The following PITPNC1 variants were observed in gnomAD, a reference collection of about 807,000 sequenced individuals.
PITPNC1 encodes the protein phosphatidylinositol transfer protein cytoplasmic 1.
Under a neutral mutation model 44.7 loss-of-function variants are expected in PITPNC1, and 18 were observed. That is an observed-to-expected ratio of 0.40 (90% CI 0.28 to 0.60). The LOEUF is 0.60. PITPNC1 is among the 20% of genes least tolerant of loss of function. PITPNC1 has a pLI of 0.39. For missense variants in PITPNC1, 290 were observed against 418.4 expected, an observed-to-expected ratio of 0.69 and a Z score of 2.68; for synonymous variants, 141 against 149.6, an observed-to-expected ratio of 0.94 and a Z score of 0.42.
intron 1 of PITPNC1, among the ~76,000 whole-genome samples, chr17:67,473,593 G>A (rs537173710): frequency 8.5e-5 from 13 of 152,068 alleles, no homozygotes; most frequent in East Asian, 7.7e-4. Context: ...GTGAGCCACC[G>A]CCCCCGGCCC....
At chr17:67,471,240 TAAAA>T (rs758005772) in intron 1 of PITPNC1, among the ~76,000 whole-genome samples, 1 of 118,354 alleles carries the variant, frequency 8.4e-6, no homozygotes, top group Non-Finnish European at 1.8e-5. Context: ...AAAAAAAATG[TAAAA>T]AAAAAAAAAA....
chr17:67,431,062 C>CTTTTTT (rs6146118), intron 1 of PITPNC1, among the ~76,000 whole-genome samples: 9 of 133,044 alleles, frequency 6.8e-5, no homozygotes, highest in Admixed American at 1.6e-4. Flanking sequence ...GTTACTGTTT[C>CTTTTTT]TTTTTTTTTT....
intron 4 of PITPNC1, among the ~76,000 whole-genome samples, chr17:67,569,372 G>C (rs906170599): frequency 1.3e-5 from 2 of 152,216 alleles, no homozygotes; most frequent in Non-Finnish European, 2.9e-5. Context: ...GGGAGGGCTT[G>C]TGTCTGGAAA....
At position 67,696,735 on chromosome 17, in the gene PITPNC1, A is replaced by C. The variant is rs1199358273; in HGVS notation, c.*3847A>C. 1 of 152,260 alleles carries C rather than the reference A, an allele frequency of 6.6e-6. No individual in the cohort carries two copies. The highest frequency in any genetic ancestry group is 2.1e-4 in the South Asian group (1 of 4,832). 9.4% of individuals were successfully genotyped at this position (152,260 alleles called of 1,614,324 possible). A position where few individuals can be genotyped will look rare whatever the true frequency, so the allele number is the denominator to read the frequency against. ...TCTACCTTCAAAACAATCTGTTTGCATTTGAAATATAAGTGTTTAAGCTTT... is the reference window on the plus strand; with the variant it reads ...TCTACCTTCAAAACAATCTGTTTGCCTTTGAAATATAAGTGTTTAAGCTTT... On this transcript the variant is annotated 3_prime_UTR_variant, in exon 9 of 9. Coordinates refer to ENST00000581322, the MANE Select transcript of PITPNC1 (RefSeq NM_012417.4).
intron 6 of PITPNC1, among the ~76,000 whole-genome samples, chr17:67,653,303 CACAG>C (rs1439792412): frequency 2.0e-5 from 3 of 152,076 alleles, no homozygotes; most frequent in African/African-American, 4.8e-5. Context: ...AATTTGGACA[CACAG>C]ACAGACAAGC....
At chr17:67,476,782 G>C (rs34176916) in intron 1 of PITPNC1, among the ~76,000 whole-genome samples, 7,404 of 152,162 alleles carry the variant, frequency 0.049, 247 homozygotes, top group Middle Eastern at 0.11. Context: ...ACTGTGCCTG[G>C]CCAGATATAT....
intron 1 of PITPNC1, among the ~76,000 whole-genome samples, chr17:67,404,082 TG>T (rs1308677625): frequency 1.3e-5 from 2 of 152,206 alleles, no homozygotes; most frequent in African/African-American, 4.8e-5. Context: ...ACAACACCTT[TG>T]TTTTGCATAA....
chr17:67,625,974 G>A (rs201604074), intron 5 of PITPNC1, among the ~76,000 whole-genome samples: 1 of 133,546 alleles, frequency 7.5e-6, no homozygotes, highest in Non-Finnish European at 1.6e-5. Context: ...TGGTTTGTTT[G>A]TTGTTTTTTT....
intron 4 of PITPNC1, among the ~76,000 whole-genome samples, chr17:67,554,128 T>C (rs1391039826): frequency 3.9e-5 from 6 of 152,060 alleles, no homozygotes; most frequent in Admixed American, 2.0e-4. Flanking sequence ...GCCTCTAGGG[T>C]TATTACTTAG....
At chr17:67,561,468 A>G (rs539035344) in intron 4 of PITPNC1, among the ~76,000 whole-genome samples, 4,789 of 151,874 alleles carry the variant, frequency 0.032, 107 homozygotes, top group Non-Finnish European at 0.053. Flanking sequence ...AAAAAAAAAA[A>G]GGGAATGCAG....
At chr17:67,604,335 A>T (rs1302687623) in intron 5 of PITPNC1, among the ~76,000 whole-genome samples, 1 of 152,206 alleles carries the variant, frequency 6.6e-6, no homozygotes, top group East Asian at 1.9e-4. Flanking sequence ...CTGGATTAGA[A>T]GGGGAGGCTG....
chr17:67,518,534 G>A (rs2040285702), intron 1 of PITPNC1, among the ~76,000 whole-genome samples: 1 of 146,334 alleles, frequency 6.8e-6, no homozygotes, highest in Admixed American at 6.9e-5. Flanking sequence ...AAATACCCAA[G>A]CTCCACCTAA....
intron 1 of PITPNC1, among the ~76,000 whole-genome samples, chr17:67,415,343 C>A (rs186148242): frequency 6.6e-6 from 1 of 152,308 alleles, no homozygotes; most frequent in East Asian, 1.9e-4. Flanking sequence ...TAGCTCAGGA[C>A]CCTCTTTAGG....
intron 7 of PITPNC1, among the ~76,000 whole-genome samples, chr17:67,675,077 T>A (rs1435354360): frequency 6.6e-6 from 1 of 150,788 alleles, no homozygotes; most frequent in Non-Finnish European, 1.5e-5. Flanking sequence ...ATTTATGACC[T>A]CCTGGCACCA....
intron 1 of PITPNC1, among the ~76,000 whole-genome samples, chr17:67,407,063 G>A (rs1184296494): frequency 2.0e-5 from 3 of 152,216 alleles, no homozygotes; most frequent in African/African-American, 4.8e-5. Flanking sequence ...GTAATTTTAT[G>A]TTTAGGTTTT....
At chr17:67,413,401 T>TTTTCTCTTTCTTTCTTTC (rs2038534440) in intron 1 of PITPNC1, among the ~76,000 whole-genome samples, 1 of 145,400 alleles carries the variant, frequency 6.9e-6, no homozygotes, top group East Asian at 2.0e-4. Flanking sequence ...ATGTGCTTAA[T>TTTTCTCTTTCTTTCTTTC]TTTCTTTCTT....
chr17:67,656,552 A>G (rs2042270736), intron 6 of PITPNC1, among the ~76,000 whole-genome samples: 1 of 152,138 alleles, frequency 6.6e-6, no homozygotes, highest in Non-Finnish European at 1.5e-5. Context: ...ACCTGGACAT[A>G]TTTTTGGGGA....
At chr17:67,572,231 C>T (rs1266929358) in intron 4 of PITPNC1, among the ~76,000 whole-genome samples, 6 of 152,016 alleles carry the variant, frequency 3.9e-5, no homozygotes, top group African/African-American at 9.7e-5. Context: ...ACAGATCCCT[C>T]GGTGATATAG....
intron 5 of PITPNC1, among the ~76,000 whole-genome samples, chr17:67,622,306 G>A (rs1270940474): frequency 1.3e-5 from 2 of 148,848 alleles, no homozygotes; most frequent in Admixed American, 1.3e-4. Flanking sequence ...GACCCATAAA[G>A]AGTATCTTTT....
Sources: gnomAD v4.1 joint callset for allele counts (sites outside exome capture counted in the v4.1 genomes callset) on GRCh38, gnomAD v4.1.1 for gene constraint, MANE v1.5 for transcripts, NCBI Gene and HGNC (gene_info 2026-07-23, HGNC 2026-07-21) for gene names.